The following GLIS3 variants were observed in gnomAD, a reference collection of about 807,000 sequenced individuals.
GLIS3 encodes the protein GLIS family zinc finger 3, also known as zinc finger protein GLIS3.
GLIS3 carries 53 observed loss-of-function variants against 78.6 expected under a neutral mutation model. That is an observed-to-expected ratio of 0.67 (90% confidence interval 0.54 to 0.85). The LOEUF is 0.85. GLIS3 is among the 40% of genes least tolerant of loss of function. The pLI is 0.00. For missense variants in GLIS3, 1,703 were observed against 1,231.1 expected (o/e 1.38, Z -5.74); for synonymous variants, 684 against 509.9 (o/e 1.34, Z -4.60).
At chr9:4,041,495 G>C (rs941196288) in intron 4 of GLIS3, among the ~76,000 whole-genome samples, 1 of 152,164 alleles carries the variant, frequency 6.6e-6, no homozygotes, top group African/African-American at 2.4e-5. Flanking sequence ...CCACCATTGA[G>C]ACTCAATTCT....
At chr9:4,111,275 T>G (rs1343069484) in intron 4 of GLIS3, among the ~76,000 whole-genome samples, 2 of 152,234 alleles carry the variant, frequency 1.3e-5, no homozygotes. Flanking sequence ...TGATTTTGTT[T>G]AATGAGGATA....
At chr9:4,314,875 C>T (rs10974451) in intron 2 of GLIS3, among the ~76,000 whole-genome samples, 5,032 of 152,248 alleles carry the variant, frequency 0.033, 251 homozygotes, top group African/African-American at 0.1. Flanking sequence ...GGGCACCCAG[C>T]GAACCCTGCT....
chr9:4,259,546 C>T (rs1825312178), intron 2 of GLIS3, among the ~76,000 whole-genome samples: 1 of 152,132 alleles, frequency 6.6e-6, no homozygotes, highest in African/African-American at 2.4e-5. Flanking sequence ...CACTAACTCC[C>T]CCCACCGCCC....
At chr9:3,944,641 A>G (rs1236245989) in intron 4 of GLIS3, among the ~76,000 whole-genome samples, 1 of 152,242 alleles carries the variant, frequency 6.6e-6, no homozygotes, top group Non-Finnish European at 1.5e-5. Context: ...AAGAGCATGT[A>G]TACTTCAGGG....
intron 2 of GLIS3, among the ~76,000 whole-genome samples, chr9:4,232,248 A>T (rs1477308508): frequency 1.3e-5 from 2 of 151,932 alleles, no homozygotes; most frequent in African/African-American, 2.4e-5. Context: ...GCATGGTGGC[A>T]TGCACCTCTG....
chr9:4,381,105 G>C, the GLIS3 span, among the ~76,000 whole-genome samples: 1 of 152,188 alleles, frequency 6.6e-6, no homozygotes, highest in Non-Finnish European at 1.5e-5. Context: ...CATCAAAAAG[G>C]AGAGGAAGAA....
the GLIS3 span, among the ~76,000 whole-genome samples, chr9:4,460,657 A>T: frequency 2.6e-5 from 4 of 152,096 alleles, no homozygotes; most frequent in African/African-American, 9.7e-5. Flanking sequence ...AGCTTAAAAC[A>T]GTAGTAATGT....
At chr9:3,933,438 A>C (rs1275783399) in intron 5 of GLIS3, among the ~76,000 whole-genome samples, 1 of 152,234 alleles carries the variant, frequency 6.6e-6, no homozygotes, top group African/African-American at 2.4e-5. Flanking sequence ...TATTTCTGTT[A>C]TGACCCTTAA....
chr9:4,396,597 G>C, the GLIS3 span, among the ~76,000 whole-genome samples: 1 of 152,174 alleles, frequency 6.6e-6, no homozygotes, highest in Admixed American at 6.5e-5. Flanking sequence ...ATCGAAGACA[G>C]ACTTCTAGCT....
At chr9:4,111,477 T>C (rs1241806282) in intron 4 of GLIS3, among the ~76,000 whole-genome samples, 1 of 152,234 alleles carries the variant, frequency 6.6e-6, no homozygotes, top group Non-Finnish European at 1.5e-5. Context: ...AAATGCCTTC[T>C]AAAGGGAAAC....
At chr9:4,116,140 A>G (rs755174981) in intron 4 of GLIS3, among the ~76,000 whole-genome samples, 5 of 152,232 alleles carry the variant, frequency 3.3e-5, no homozygotes, top group Admixed American at 6.5e-5. Context: ...AATGCAAAAA[A>G]TATTTTTCTG....
At chr9:4,428,370 T>C in the GLIS3 span, among the ~76,000 whole-genome samples, 19 of 151,022 alleles carry the variant, frequency 1.3e-4, no homozygotes, top group African/African-American at 4.4e-4. Flanking sequence ...TCCCAGATAC[T>C]TGGGAGGCTG....
intron 4 of GLIS3, among the ~76,000 whole-genome samples, chr9:4,007,871 C>A (rs1821680059): frequency 4.2e-5 from 1 of 23,994 alleles, no homozygotes; most frequent in Non-Finnish European, 8.1e-5. Flanking sequence ...ATACCCATGG[C>A]AGGTCGGGCG....
chr9:4,324,612 T>G (rs1817576783), intron 2 of GLIS3, among the ~76,000 whole-genome samples: 1 of 152,244 alleles, frequency 6.6e-6, no homozygotes, highest in Non-Finnish European at 1.5e-5. Context: ...AGATTTAGAT[T>G]CTGAAATATC....
In GLIS3 at chr9:3,986,503, T is replaced by C. The variant is rs1218467598; in HGVS notation, c.1711-49314A>G. Among the ~76,000 whole-genome samples, 16 of 152,258 alleles carry C rather than the reference T, an allele frequency of 1.1e-4. 1 individual carries two copies. ...TCAGCATTAATTCTGCCCTCTGACCTTTCTTCCCCAGTTCCATTTGTACCA... is the reference window on the plus strand; with the variant it reads ...TCAGCATTAATTCTGCCCTCTGACCCTTCTTCCCCAGTTCCATTTGTACCA... On this transcript the variant is annotated intron_variant, in intron 4 of 10. Coordinates refer to ENST00000381971, the MANE Select transcript of GLIS3 (RefSeq NM_001042413.2).
At chr9:4,378,613 G>T in the GLIS3 span, among the ~76,000 whole-genome samples, 1 of 152,086 alleles carries the variant, frequency 6.6e-6, no homozygotes, top group Non-Finnish European at 1.5e-5. Flanking sequence ...TATATATAAT[G>T]AAAACAGAAA....
At chr9:4,120,304 C>T (rs1335195072) in intron 3 of GLIS3, among the ~76,000 whole-genome samples, 1 of 152,254 alleles carries the variant, frequency 6.6e-6, no homozygotes, top group Non-Finnish European at 1.5e-5. Context: ...GTGATAACAC[C>T]ATCATCAACG....
At chr9:4,179,348 C>G (rs2131164005) in intron 2 of GLIS3, among the ~76,000 whole-genome samples, 1 of 152,292 alleles carries the variant, frequency 6.6e-6, no homozygotes, top group South Asian at 2.1e-4. Flanking sequence ...GCATCTAAAA[C>G]AACTTGCAGT....
chr9:3,960,326 T>A (rs78188234), intron 4 of GLIS3, among the ~76,000 whole-genome samples: 4,569 of 152,292 alleles, frequency 0.03, 115 homozygotes, highest in African/African-American at 0.058. Context: ...TCTCCAGAAC[T>A]GTGAGACAAT....
Sources: gnomAD v4.1 joint callset for allele counts (sites outside exome capture counted in the v4.1 genomes callset) on GRCh38, gnomAD v4.1.1 for gene constraint, MANE v1.5 for transcripts, NCBI Gene and HGNC (gene_info 2026-07-23, HGNC 2026-07-21) for gene names.